NEB: variants seen among roughly 807,000 people sequenced by gnomAD.
NEB encodes the protein nemaline myopathy type 2.
NEB carries 512 observed loss-of-function variants against 952.2 expected under a neutral mutation model. The observed-to-expected ratio is 0.54, with a 90% CI of 0.50 to 0.58. The LOEUF (loss-of-function observed/expected upper bound fraction) is 0.58, where lower values mean the gene tolerates loss of function less well. Ranked by LOEUF, NEB falls within the 20% of genes least tolerant of loss-of-function variation. The pLI is 0.00. For missense variants in NEB, 8,428 were observed against 9,231.1 expected (o/e 0.91, Z 3.56); for synonymous variants, 2,900 against 3,149.8 (o/e 0.92, Z 2.66).
chr2:151,619,801 A>C (rs764473163), intron 72 of NEB, 39 bp from the exon 73 acceptor site: 1 of 1,563,364 alleles, frequency 6.4e-7, no homozygotes, highest in South Asian at 1.2e-5. Flanking sequence ...GGAAGCACAA[A>C]GGGCTATTCC....
chr2:151,560,507 A>G, intron 124 of NEB, 85 bp downstream of exon 124: 1 of 1,077,732 alleles, frequency 9.3e-7, no homozygotes, highest in East Asian at 2.7e-5. Flanking sequence ...TGGACAACGT[A>G]TGAATCAGCC....
intron 154 of NEB, 35 bp downstream of exon 154, chr2:151,519,623 A>G (rs2080551849): frequency 6.9e-7 from 1 of 1,458,602 alleles, no homozygotes; most frequent in South Asian, 1.1e-5. Flanking sequence ...GGCAAATACC[A>G]TGTTATATAT....
intron 17 of NEB, among the ~76,000 whole-genome samples, 167 bp from the exon 18 acceptor site, chr2:151,695,849 C>A (rs1317271819): frequency 6.6e-6 from 1 of 152,184 alleles, no homozygotes; most frequent in Admixed American, 6.5e-5. Flanking sequence ...GGACACTTGG[C>A]AGCTATTATC....
chr2:151,691,502 T>A (rs1360979416), intron 23 of NEB, among the ~76,000 whole-genome samples: 2 of 152,204 alleles, frequency 1.3e-5, no homozygotes, highest in African/African-American at 2.4e-5. Context: ...GCTCAAGAGG[T>A]GGCTGGCTTT....
intron 124 of NEB, among the ~76,000 whole-genome samples, chr2:151,556,727 C>T (rs755378494): frequency 6.6e-6 from 1 of 151,980 alleles, no homozygotes; most frequent in Non-Finnish European, 1.5e-5. Flanking sequence ...TCTTGGAGAC[C>T]TACAGAGAGA....
chr2:151,724,109 G>A, intron 8 of NEB, 151 bp downstream of exon 8: 1 of 665,442 alleles, frequency 1.5e-6, no homozygotes, highest in Non-Finnish European at 2.5e-6. Flanking sequence ...TTTTTGCCAA[G>A]CCCTATCCCT....
rs765690064 is a variant in NEB, at chr2:151,619,513, T to C, written c.10810A>G (p.Ile3604Val). 44 of 1,613,770 alleles carry C rather than the reference T, an allele frequency of 2.7e-5. No homozygotes were observed. The highest frequency in any genetic ancestry group is 3.6e-5 in the Non-Finnish European group (42 of 1,179,704). ...ATGTCATTCTGGTCGGGCAGGCAGATCCATTCATGCAGAGGATGTTTATAG... is the reference window on the plus strand; with the variant it reads ...ATGTCATTCTGGTCGGGCAGGCAGACCCATTCATGCAGAGGATGTTTATAG... ...VDYKHPLHEW[I>V]CLPDQNDIIH... Residue 3604 changes from isoleucine to valine, a missense_variant, in exon 73 of 182, where the codon ATC becomes GTC. Ile to Val is a conservative substitution (Grantham distance 29, BLOSUM62 3). Transcript: ENST00000397345.
rs190605644 is a variant in NEB at position 151,552,757 on chromosome 2, A to C, written c.19751T>G (p.Met6584Arg). Residue 6584 changes from methionine (M) to arginine (R), a missense_variant, in exon 128 of 182, where the codon ATG becomes AGG. By Grantham distance (91) the Met-to-Arg change is moderately conservative (BLOSUM62 -1). This residue lies in a region of NEB where 3,374 missense variants were observed against 3,651.5 expected (regional missense o/e 0.92). Coordinates refer to ENST00000397345, the MANE Select transcript of NEB (RefSeq NM_001164508.2). ...CTTGTAGTCATTCCTTGTTTTCAAC[A>C]TGTGAGCTTTATACTTGATCTGCCG... ...LRDDIKYKAH[M>R]LKTRNDYKLV... The C allele has an allele frequency of 5.5e-5, 89 of 1,612,826 alleles. 1 individual carries two copies. In the East Asian group the frequency reaches 1.9e-3, roughly 35 times the overall value.
intron 3 of NEB, among the ~76,000 whole-genome samples, chr2:151,731,180 C>G (rs1032483263): frequency 2.0e-5 from 3 of 152,156 alleles, no homozygotes; most frequent in Admixed American, 6.6e-5. Context: ...TTCAATTTTA[C>G]CTTTGCTGGG....
At chr2:151,486,050 A>T (rs2050053098) in intron 181 of NEB, 117 bp from the exon 182 acceptor site, 1 of 1,060,310 alleles carries the variant, frequency 9.4e-7, no homozygotes, top group South Asian at 1.5e-5. Context: ...AACAAAAGAG[A>T]ATGTGCAAGC....
At chr2:151,682,861 A>T in intron 28 of NEB, 92 bp from the exon 29 acceptor site, 2 of 1,093,740 alleles carry the variant, frequency 1.8e-6, no homozygotes, top group Non-Finnish European at 2.7e-6. Context: ...TGTTTTTGAG[A>T]TTTCTGACCA....
At chr2:151,548,084 G>C (rs2094929263) in intron 131 of NEB, among the ~76,000 whole-genome samples, 1 of 152,106 alleles carries the variant, frequency 6.6e-6, no homozygotes, top group Non-Finnish European at 1.5e-5. Context: ...CTTTAGAAAA[G>C]TTTTGCATCA....
Position 151,701,989 on chromosome 2 carries a change from T to A in NEB, c.1153-4341A>T, listed in dbSNP as rs573041919. Reference sequence around the variant, plus strand: ...TCAATTTTGGATCTTTCCTGCTTTCTCTTGTGGGCATTTAGTGCTATAAAT... The same window carrying A: ...TCAATTTTGGATCTTTCCTGCTTTCACTTGTGGGCATTTAGTGCTATAAAT... On this transcript the variant is annotated intron_variant, in intron 13 of 181. Transcript: ENST00000397345. Among the ~76,000 whole-genome samples the A allele has an allele frequency of 9.1e-3, 1,359 of 148,584 alleles. 20 individuals are homozygous for A. Among genetic ancestry groups the A allele is most frequent in the African/African-American group, 0.033 (1,298 of 39,932 alleles).
chr2:151,622,966 A>C (rs1384707373), intron 71 of NEB, among the ~76,000 whole-genome samples: 1 of 152,210 alleles, frequency 6.6e-6, no homozygotes, highest in South Asian at 2.1e-4. Context: ...TTATGAAAGA[A>C]GTGGGATGCC....
Position 151,639,922 on chromosome 2 carries a change from ATT to A in NEB, c.8822_8823del (p.Lys2941IlefsTer6). On this transcript the variant is annotated frameshift_variant, in exon 62 of 182. Transcript: ENST00000397345. LOFTEE classifies it high-confidence loss of function. ...KIYRQPPDRF[K>X]FTSVTDSLEQ... Reference sequence around the variant, plus strand: ...TCCAGAGAGTCAGTCACACTGGTAAATTTGAATCTGTCTGGAGGCTGGCGATA... The same window carrying A: ...TCCAGAGAGTCAGTCACACTGGTAAATGAATCTGTCTGGAGGCTGGCGATA... The A allele has an allele frequency of 6.2e-7, 1 of 1,613,942 alleles. No homozygotes were observed. The highest frequency in any genetic ancestry group is 8.5e-7 in the Non-Finnish European group (1 of 1,179,862).
chr2:151,501,908 C>T (rs1229129483), intron 167 of NEB, among the ~76,000 whole-genome samples: 4 of 151,998 alleles, frequency 2.6e-5, no homozygotes, highest in Non-Finnish European at 5.9e-5. Context: ...TACTAGCTTT[C>T]AATGATACTG....
intron 58 of NEB, 75 bp from the exon 59 acceptor site, chr2:151,642,944 G>A: frequency 7.7e-7 from 1 of 1,302,870 alleles, no homozygotes; most frequent in South Asian, 1.4e-5. Context: ...GATTTTTAAT[G>A]AGAATCAAGA....
intron 146 of NEB, 96 bp downstream of exon 146, chr2:151,529,114 A>G: frequency 1.2e-6 from 1 of 802,920 alleles, no homozygotes; most frequent in South Asian, 1.5e-5. Context: ...ATCAATCACT[A>G]GAGCTGAATT....
At position 151,553,978 on chromosome 2, in the gene NEB, G is replaced by A. The variant is rs113068669; in HGVS notation, c.19476C>T (p.Ile6492=). 150 of 1,613,730 alleles carry A rather than the reference G, an allele frequency of 9.3e-5. No individual in the cohort carries two copies. Among genetic ancestry groups the A allele is most frequent in the Non-Finnish European group, 1.1e-4 (135 of 1,179,800 alleles). Residue 6492 remains isoleucine (I), a synonymous_variant, in exon 126 of 182, where the codon ATC becomes ATT. Transcript: ENST00000397345. ...VYEKNKMKIH[I]VPDMVEMVTA... ...TAACCATCTCTACCATGTCGGGCAC[G>A]ATGTGGATTTTCATCTTGTTCTTTT... is the stretch of plus-strand genomic sequence containing the variant.
Sources: gnomAD v4.1 joint callset for allele counts (sites outside exome capture counted in the v4.1 genomes callset) on GRCh38, gnomAD v4.1.1 for gene constraint, gnomAD v4.1.1 regional missense constraint, MANE v1.5 for transcripts, NCBI Gene and HGNC (gene_info 2026-07-23, HGNC 2026-07-21) for gene names.